CPN1: variants seen among roughly 807,000 people sequenced by gnomAD.
CPN1 encodes the protein carboxypeptidase N catalytic chain.
In CPN1, 37 loss-of-function variants were observed where a neutral mutation model predicts 46.4. The ratio of observed to expected loss-of-function variants is 0.80; its 90% CI spans 0.61 to 1.05. CPN1 has a LOEUF of 1.05. Ranked by LOEUF, CPN1 falls within the 50% of genes least tolerant of loss-of-function variation. CPN1 has a pLI of 0.00. For synonymous variants in CPN1, 224 were observed against 235.4 expected, an observed-to-expected ratio of 0.95 and a Z score of 0.44; for missense variants, 563 against 602.6, an observed-to-expected ratio of 0.93 and a Z score of 0.69.
intron 7 of CPN1, among the ~76,000 whole-genome samples, chr10:100,054,019 G>T (rs1330611362): frequency 1.3e-5 from 2 of 152,168 alleles, no homozygotes; most frequent in African/African-American, 4.8e-5. Context: ...CTTAAGCCCA[G>T]AAAATACCCC....
chr10:100,050,547 C>T (rs7091871), intron 7 of CPN1, among the ~76,000 whole-genome samples: 21,469 of 152,056 alleles, frequency 0.14, 2,782 homozygotes, highest in African/African-American at 0.34. Flanking sequence ...CAAAAAGCTG[C>T]CGGTGGTGTT....
intron 7 of CPN1, among the ~76,000 whole-genome samples, chr10:100,051,010 G>A (rs1001398289): frequency 6.6e-6 from 1 of 152,142 alleles, no homozygotes; most frequent in African/African-American, 2.4e-5. Context: ...GGGCGACAGA[G>A]CGAGACTCTG....
chr10:100,067,002 G>A (rs2041458168), intron 3 of CPN1, among the ~76,000 whole-genome samples: 1 of 152,246 alleles, frequency 6.6e-6, no homozygotes, highest in African/African-American at 2.4e-5. Flanking sequence ...ACAGAGGATT[G>A]AGTGGGAGCC....
chr10:100,073,254 A>T (rs1241177973), intron 2 of CPN1, among the ~76,000 whole-genome samples: 1 of 152,218 alleles, frequency 6.6e-6, no homozygotes, highest in Non-Finnish European at 1.5e-5. Context: ...CTTCTGTGAC[A>T]TAATGATTTT....
chr10:100,043,091 CAAA>C (rs749971720), intron 8 of CPN1, among the ~76,000 whole-genome samples: 1 of 57,612 alleles, frequency 1.7e-5, no homozygotes, highest in African/African-American at 5.8e-5. Context: ...GACTCCATCT[CAAA>C]AAAAAAAAAA....
chr10:100,055,111 G>A (rs939190330), intron 6 of CPN1, among the ~76,000 whole-genome samples: 4 of 151,624 alleles, frequency 2.6e-5, no homozygotes, highest in Admixed American at 6.6e-5. Flanking sequence ...GGTGGTGGGC[G>A]CCTGTAATCC....
intron 2 of CPN1, among the ~76,000 whole-genome samples, chr10:100,075,245 G>A (rs945100044): frequency 1.3e-5 from 2 of 152,124 alleles, no homozygotes; most frequent in Admixed American, 1.3e-4. Flanking sequence ...AGCCGAGATC[G>A]CACCACTGCA....
intron 1 of CPN1, among the ~76,000 whole-genome samples, chr10:100,078,202 C>T (rs1477880413): frequency 6.6e-6 from 1 of 152,080 alleles, no homozygotes; most frequent in Non-Finnish European, 1.5e-5. Context: ...TGCACACTAC[C>T]ACACGAGGCT....
chr10:100,076,957 A>C (rs1271885471), intron 1 of CPN1, among the ~76,000 whole-genome samples: 1 of 152,196 alleles, frequency 6.6e-6, no homozygotes, highest in African/African-American at 2.4e-5. Context: ...ACTTGAGGTA[A>C]GAATTGAGGA....
At chr10:100,073,088 T>G (rs888144529) in intron 2 of CPN1, among the ~76,000 whole-genome samples, 2 of 152,216 alleles carry the variant, frequency 1.3e-5, no homozygotes, top group Non-Finnish European at 2.9e-5. Flanking sequence ...AAGAATTCAG[T>G]ATTATTCTCA....
chr10:100,067,613 C>A (rs981675700), intron 3 of CPN1, among the ~76,000 whole-genome samples: 1 of 152,180 alleles, frequency 6.6e-6, no homozygotes, highest in African/African-American at 2.4e-5. Flanking sequence ...TAGACATTCA[C>A]AAATAGAACA....
chr10:100,045,511 G>A (rs1589469019), intron 8 of CPN1, among the ~76,000 whole-genome samples: 1 of 152,290 alleles, frequency 6.6e-6, no homozygotes, highest in Non-Finnish European at 1.5e-5. Context: ...AATTCTCAAA[G>A]GACTTAAAGC....
chr10:100,074,518 C>A (rs902683127), intron 2 of CPN1, among the ~76,000 whole-genome samples: 2 of 152,138 alleles, frequency 1.3e-5, no homozygotes, highest in Non-Finnish European at 2.9e-5. Context: ...TGGGTTCAAG[C>A]AACTCCCCTG....
chr10:100,048,960 G>T, intron 7 of CPN1, 84 bp from the exon 8 acceptor site: 1 of 1,159,168 alleles, frequency 8.6e-7, no homozygotes, highest in Non-Finnish European at 1.3e-6. Context: ...CTACAAGGTT[G>T]GCTTTTCTTT....
At chr10:100,055,269 A>G (rs1001968134) in intron 6 of CPN1, among the ~76,000 whole-genome samples, 1 of 151,744 alleles carries the variant, frequency 6.6e-6, no homozygotes, top group African/African-American at 2.4e-5. Flanking sequence ...TTGTGCGACC[A>G]TCATCACCAC....
intron 2 of CPN1, among the ~76,000 whole-genome samples, chr10:100,074,511 G>A (rs150534290): frequency 0.025 from 3,833 of 152,230 alleles, 81 homozygotes; most frequent in Non-Finnish European, 0.039. Context: ...CGCCTCCTGG[G>A]TTCAAGCAAC....
At chr10:100,081,304 C>CG in intron 1 of CPN1, 99 bp downstream of exon 1, 1 of 986,746 alleles carries the variant, frequency 1.0e-6, no homozygotes, top group Non-Finnish European at 1.6e-6. Flanking sequence ...ACCTTGTAGG[C>CG]GGAGGCGTCC....
intron 7 of CPN1, among the ~76,000 whole-genome samples, chr10:100,053,442 G>A (rs1220247325): frequency 6.6e-6 from 1 of 151,950 alleles, no homozygotes; most frequent in Non-Finnish European, 1.5e-5. Flanking sequence ...TGGGCAACAT[G>A]GTGAAACCCC....
chr10:100,053,656 A>T (rs2041368190), intron 7 of CPN1, among the ~76,000 whole-genome samples: 1 of 152,072 alleles, frequency 6.6e-6, no homozygotes, highest in Admixed American at 6.6e-5. Context: ...GTGGGGATTT[A>T]GGCAAATCTC....
Sources: gnomAD v4.1 joint callset for allele counts (sites outside exome capture counted in the v4.1 genomes callset) on GRCh38, gnomAD v4.1.1 for gene constraint, MANE v1.5 for transcripts, NCBI Gene and HGNC (gene_info 2026-07-23, HGNC 2026-07-21) for gene names.